Variants in ZBTB44 observed in about 807,000 individuals in gnomAD.
ZBTB44 encodes zinc finger and BTB domain containing 44, also known as zinc finger and BTB domain-containing protein 44.
ZBTB44 carries 15 observed loss-of-function variants against 54.0 expected under a neutral mutation model. The ratio of observed to expected loss-of-function variants is 0.28; its 90% CI spans 0.19 to 0.43. The LOEUF is 0.43. Ranked by LOEUF, ZBTB44 falls within the 20% of genes least tolerant of loss-of-function variation. The pLI is 1.00. For synonymous variants in ZBTB44, 230 were observed against 250.1 expected, an observed-to-expected ratio of 0.92 and a Z score of 0.76; for missense variants, 487 against 707.1, an observed-to-expected ratio of 0.69 and a Z score of 3.53.
At chr11:130,302,812 A>C (rs1942057778) in intron 1 of ZBTB44, among the ~76,000 whole-genome samples, 1 of 152,086 alleles carries the variant, frequency 6.6e-6, no homozygotes, top group South Asian at 2.1e-4. Context: ...GTCTCTACTT[A>C]AAAAATACAA....
At chr11:130,294,001 T>C (rs575575367) in intron 1 of ZBTB44, among the ~76,000 whole-genome samples, 1 of 152,298 alleles carries the variant, frequency 6.6e-6, no homozygotes, top group East Asian at 1.9e-4. Context: ...CACCAAGTCA[T>C]GCTGATTGTT....
intron 1 of ZBTB44, among the ~76,000 whole-genome samples, chr11:130,305,151 T>G (rs1042541823): frequency 6.6e-6 from 1 of 152,132 alleles, no homozygotes; most frequent in Non-Finnish European, 1.5e-5. Flanking sequence ...CATGGATGGG[T>G]AGAATCAATA....
intron 1 of ZBTB44, among the ~76,000 whole-genome samples, chr11:130,295,105 G>A (rs1411349002): frequency 6.6e-6 from 1 of 152,004 alleles, no homozygotes; most frequent in African/African-American, 2.4e-5. Flanking sequence ...AAACTCCTGC[G>A]CAAGAAGATC....
intron 1 of ZBTB44, among the ~76,000 whole-genome samples, chr11:130,298,821 A>C (rs1360863932): frequency 2.9e-5 from 3 of 104,096 alleles, no homozygotes; most frequent in East Asian, 5.1e-4. Flanking sequence ...ACACAGACAC[A>C]CAGACACCCA....
chr11:130,286,915 A>G (rs1941000389), intron 1 of ZBTB44, among the ~76,000 whole-genome samples: 1 of 152,366 alleles, frequency 6.6e-6, no homozygotes, highest in East Asian at 1.9e-4. Context: ...ATGGTGCAGC[A>G]GTGATTAACA....
In ZBTB44 at chr11:130,228,295, A is replaced by G. The variant is rs1468134631; in HGVS notation, c.*3469T>C. The G allele has an allele frequency of 6.6e-6, 1 of 152,242 alleles. No individual in the cohort carries two copies. Among genetic ancestry groups the G allele is most frequent in the Non-Finnish European group, 1.5e-5 (1 of 68,034 alleles). 9.4% of individuals were successfully genotyped at this position (152,242 alleles called of 1,614,324 possible). On this transcript the variant is annotated 3_prime_UTR_variant, in exon 8 of 8. Coordinates refer to ENST00000357899, the MANE Select transcript of ZBTB44 (RefSeq NM_001301098.2). ...GAAGTCATCACTTTGTACAAGGAAG[A>G]AAATGAATACAGTTTATGATCTTAC... is the stretch of plus-strand genomic sequence containing the variant.
chr11:130,269,998 TA>T (rs1297325229), intron 1 of ZBTB44, among the ~76,000 whole-genome samples: 1 of 152,174 alleles, frequency 6.6e-6, no homozygotes, highest in Non-Finnish European at 1.5e-5. Flanking sequence ...TGTATTTTGA[TA>T]TATAGATTAG....
chr11:130,313,585 G>A (rs890310530), intron 1 of ZBTB44, among the ~76,000 whole-genome samples: 31 of 152,134 alleles, frequency 2.0e-4, no homozygotes, highest in African/African-American at 7.2e-4. Flanking sequence ...GCTTGCTTCC[G>A]GTATCAGCCG....
At chr11:130,272,891 G>A (rs115490351) in intron 1 of ZBTB44, among the ~76,000 whole-genome samples, 2 of 152,000 alleles carry the variant, frequency 1.3e-5, no homozygotes, top group African/African-American at 2.4e-5. Context: ...TTTATATCTG[G>A]ACTCTCTATT....
intron 1 of ZBTB44, among the ~76,000 whole-genome samples, chr11:130,287,267 A>G (rs992526469): frequency 1.3e-5 from 2 of 152,130 alleles, no homozygotes; most frequent in Non-Finnish European, 2.9e-5. Context: ...CTCTCCCTTC[A>G]CAGCCAAGTT....
intron 1 of ZBTB44, among the ~76,000 whole-genome samples, chr11:130,303,573 T>C (rs571611697): frequency 1.1e-4 from 16 of 152,162 alleles, no homozygotes; most frequent in South Asian, 6.2e-4. Context: ...AGGTGGAGGT[T>C]GTGGTGAGCC....
chr11:130,267,676 G>A (rs983168701), intron 1 of ZBTB44, among the ~76,000 whole-genome samples: 5 of 152,082 alleles, frequency 3.3e-5, no homozygotes, highest in Non-Finnish European at 5.9e-5. Flanking sequence ...TGAGATTACA[G>A]GTTTGAACTA....
intron 1 of ZBTB44, among the ~76,000 whole-genome samples, chr11:130,291,135 G>GTTTTTTTTTTTTTTTT (rs1480781756): frequency 6.6e-6 from 1 of 151,020 alleles, no homozygotes. Flanking sequence ...GAAAGCCTTT[G>GTTTTTTTTTTTTTTTT]TTGTTTTTTT....
At chr11:130,295,011 T>G (rs1941555132) in intron 1 of ZBTB44, among the ~76,000 whole-genome samples, 2 of 152,068 alleles carry the variant, frequency 1.3e-5, no homozygotes, top group Admixed American at 1.3e-4. Flanking sequence ...GGAAGCAACG[T>G]CAGCCCCGAG....
intron 1 of ZBTB44, among the ~76,000 whole-genome samples, chr11:130,298,026 G>C (rs1941756333): frequency 1.3e-5 from 2 of 152,068 alleles, no homozygotes; most frequent in South Asian, 4.1e-4. Context: ...TTTAATATCA[G>C]ATAAAGCAGA....
At position 130,261,213 on chromosome 11, in the gene ZBTB44, G is replaced by A. The variant is rs552898233; in HGVS notation, c.661C>T (p.Pro221Ser). Residue 221 changes from proline (P) to serine (S), a missense_variant, in exon 2 of 8, where the codon CCA (proline) becomes TCA (serine). This residue lies in a region of ZBTB44 where 277 missense variants were observed against 306.5 expected (regional missense o/e 0.90). Transcript: ENST00000357899. This position sits in a 1 kb window ranked among gnomAD's most constrained non-coding sequence, Gnocchi z 4.8. ...GGAAAAGCTAAGGAAGAGTCAACTG[G>A]TTGGTTTCTATTTTCTGAGTAGGAA... Reference protein sequence around the residue: ...SASYSENRNQPVDSSLAFPWT... With the variant: ...SASYSENRNQSVDSSLAFPWT... 80 of 1,613,958 alleles carry A rather than the reference G, an allele frequency of 5.0e-5. No homozygotes were observed. The East Asian group carries it at 1.6e-3, about 33-fold the overall frequency.
chr11:130,300,770 A>G (rs1459639381), intron 1 of ZBTB44, among the ~76,000 whole-genome samples: 1 of 152,210 alleles, frequency 6.6e-6, no homozygotes, highest in Non-Finnish European at 1.5e-5. Flanking sequence ...ATATAAGAAA[A>G]AAGTAGAATT....
intron 2 of ZBTB44, among the ~76,000 whole-genome samples, chr11:130,257,309 A>C (rs1353782331): frequency 6.6e-6 from 1 of 151,886 alleles, no homozygotes; most frequent in African/African-American, 2.4e-5. Context: ...CCTTATTTGG[A>C]AATAGGGTCT....
At chr11:130,273,307 ATTTTTT>A (rs34506406) in intron 1 of ZBTB44, among the ~76,000 whole-genome samples, 1 of 126,296 alleles carries the variant, frequency 7.9e-6, no homozygotes, top group South Asian at 2.5e-4. Flanking sequence ...TATTTTCTTA[ATTTTTT>A]TTTTTTTTTT....
Sources: gnomAD v4.1 joint callset for allele counts (sites outside exome capture counted in the v4.1 genomes callset) on GRCh38, gnomAD v4.1.1 for gene constraint, gnomAD v4.1.1 regional missense constraint, Gnocchi (gnomAD v3.1) non-coding constraint, MANE v1.5 for transcripts, NCBI Gene and HGNC (gene_info 2026-07-23, HGNC 2026-07-21) for gene names.